PDE12: variants seen among roughly 807,000 people sequenced by gnomAD.
PDE12 encodes the protein phosphodiesterase 12.
Under a neutral mutation model 45.4 loss-of-function variants are expected in PDE12, and 26 were observed. The observed-to-expected ratio is 0.57, with a 90% CI of 0.42 to 0.79. PDE12 has a LOEUF of 0.79. PDE12 is among the 30% of genes least tolerant of loss of function. The probability of loss-of-function intolerance (pLI) is 0.00; values close to 1 mark genes in which losing one functional copy is unlikely to be tolerated. For synonymous variants in PDE12, 283 were observed against 323.9 expected (o/e 0.87, Z 1.36); for missense variants, 668 against 790.0 (o/e 0.85, Z 1.85).
At chr3:57,637,604 G>A in the PDE12 span, among the ~76,000 whole-genome samples, 11 of 151,744 alleles carry the variant, frequency 7.2e-5, 1 homozygote, top group Non-Finnish European at 1.6e-4. Context: ...GGGCTGTGTT[G>A]CACAACTTGT....
the PDE12 span, among the ~76,000 whole-genome samples, chr3:57,642,467 T>C: frequency 2.0e-5 from 3 of 150,332 alleles, no homozygotes; most frequent in Non-Finnish European, 4.4e-5. Flanking sequence ...GAGGGAAGAG[T>C]GATGCAGAAC....
the PDE12 span, among the ~76,000 whole-genome samples, chr3:57,614,522 C>CA: frequency 1.5e-5 from 2 of 134,784 alleles, no homozygotes; most frequent in South Asian, 2.3e-4. Flanking sequence ...GCCTGTAATC[C>CA]GTTTTTTTTT....
chr3:57,607,167 A>T, the PDE12 span, among the ~76,000 whole-genome samples: 1 of 152,210 alleles, frequency 6.6e-6, no homozygotes, highest in Admixed American at 6.5e-5. Flanking sequence ...AAACTCCAAC[A>T]GACCTGCAGC....
chr3:57,568,555 A>G (rs2069806787), downstream of PDE12, among the ~76,000 whole-genome samples: 1 of 151,540 alleles, frequency 6.6e-6, no homozygotes. Context: ...TGAATGAGAC[A>G]CCAATACTCT....
the PDE12 span, among the ~76,000 whole-genome samples, chr3:57,607,950 TTGAAA>T: frequency 1.6e-3 from 247 of 151,964 alleles, no homozygotes; most frequent in African/African-American, 5.6e-3. Flanking sequence ...TTCACCAAAG[TTGAAA>T]TGAAGGAAAA....
chr3:57,577,384 G>C, the PDE12 span: 12 of 1,607,352 alleles, frequency 7.5e-6, no homozygotes, highest in Non-Finnish European at 1.0e-5. Context: ...ACAAAAATAA[G>C]ACCCTGGGGA....
chr3:57,620,501 A>G, the PDE12 span, among the ~76,000 whole-genome samples: 2 of 152,224 alleles, frequency 1.3e-5, no homozygotes, highest in African/African-American at 4.8e-5. Flanking sequence ...AGAAAAATAA[A>G]TAAAGGTCAT....
the PDE12 span, among the ~76,000 whole-genome samples, chr3:57,642,588 T>A: frequency 1.1e-4 from 17 of 152,196 alleles, no homozygotes; most frequent in Middle Eastern, 3.4e-3. Context: ...AATGAGAATA[T>A]TGTTGCCCGA....
chr3:57,620,814 GAGAA>G, the PDE12 span, among the ~76,000 whole-genome samples: 201 of 152,254 alleles, frequency 1.3e-3, 6 homozygotes, highest in East Asian at 0.025. Context: ...ACATTGCTGA[GAGAA>G]AGAAAACATA....
chr3:57,591,144 A>C, the PDE12 span, among the ~76,000 whole-genome samples: 1 of 152,192 alleles, frequency 6.6e-6, no homozygotes, highest in Non-Finnish European at 1.5e-5. Flanking sequence ...CGAGGATGTA[A>C]AATGGAAATG....
At chr3:57,597,255 AG>A in the PDE12 span, 2 of 1,022,804 alleles carry the variant, frequency 2.0e-6, no homozygotes, top group Admixed American at 4.4e-5. Flanking sequence ...GAGCGGAGGA[AG>A]AAAGAGGGAG....
the PDE12 span, among the ~76,000 whole-genome samples, chr3:57,649,586 T>G: frequency 6.6e-6 from 1 of 150,978 alleles, no homozygotes. Flanking sequence ...AATGCACAAT[T>G]GCAAAAATAT....
chr3:57,628,227 G>T, the PDE12 span: 7 of 1,612,864 alleles, frequency 4.3e-6, no homozygotes, highest in South Asian at 6.6e-5. Context: ...TGTCATGCCC[G>T]TTTTGAGCAG....
At chr3:57,612,727 T>C in the PDE12 span, among the ~76,000 whole-genome samples, 2 of 147,122 alleles carry the variant, frequency 1.4e-5, no homozygotes, top group African/African-American at 2.5e-5. Context: ...GCTGATATTA[T>C]GCCACTGCAC....
At chr3:57,651,214 C>T in the PDE12 span, among the ~76,000 whole-genome samples, 1 of 152,212 alleles carries the variant, frequency 6.6e-6, no homozygotes, top group Non-Finnish European at 1.5e-5. Flanking sequence ...TGCTCCTCAA[C>T]ATATGACAGA....
chr3:57,611,738 G>A, the PDE12 span, among the ~76,000 whole-genome samples: 16 of 152,272 alleles, frequency 1.1e-4, no homozygotes, highest in East Asian at 2.9e-3. Context: ...GGAAACAACA[G>A]GTGCTAGAGA....
chr3:57,641,879 T>G, the PDE12 span: 1 of 610,166 alleles, frequency 1.6e-6, no homozygotes, highest in African/African-American at 1.9e-5. Flanking sequence ...ACACATTACA[T>G]ATCAACTACA....
the PDE12 span, among the ~76,000 whole-genome samples, chr3:57,616,383 GAGGAGA>G: frequency 0.13 from 20,164 of 151,062 alleles, 1,421 homozygotes; most frequent in South Asian, 0.21. Context: ...CAGGGGGGAG[GAGGAGA>G]AGGAGAAGAA....
At chr3:57,616,407 C>T in the PDE12 span, among the ~76,000 whole-genome samples, 3 of 140,278 alleles carry the variant, frequency 2.1e-5, no homozygotes, top group African/African-American at 5.4e-5. Context: ...GAAGAAGAGG[C>T]GGAAGAGGCG....
Sources: gnomAD v4.1 joint callset for allele counts (sites outside exome capture counted in the v4.1 genomes callset) on GRCh38, gnomAD v4.1.1 for gene constraint, MANE v1.5 for transcripts, NCBI Gene and HGNC (gene_info 2026-07-23, HGNC 2026-07-21) for gene names.